Variants in CD72 observed in about 807,000 individuals in gnomAD.
CD72 encodes the protein B-cell differentiation antigen CD72.
In CD72, 28 loss-of-function variants were observed where a neutral mutation model predicts 50.7. The observed-to-expected ratio is 0.55, with a 90% CI of 0.41 to 0.76. The LOEUF (loss-of-function observed/expected upper bound fraction) is 0.76, where lower values mean the gene tolerates loss of function less well. Ranked by LOEUF, CD72 falls within the 30% of genes least tolerant of loss-of-function variation. The pLI, the probability that CD72 is intolerant of heterozygous loss-of-function variation, is 0.00. For synonymous variants in CD72, 176 were observed against 171.2 expected (o/e 1.03, Z -0.22); for missense variants, 403 against 420.6 (o/e 0.96, Z 0.37).
chr9:35,623,630 A>G (rs1257791558), upstream of CD72, among the ~76,000 whole-genome samples: 1 of 152,188 alleles, frequency 6.6e-6, no homozygotes, highest in Non-Finnish European at 1.5e-5. Flanking sequence ...AAAATTAGCA[A>G]GCGAGGCCTG....
rs147607530 is a variant in CD72 at position 35,616,248 on chromosome 9, G to A, written c.383C>T (p.Thr128Met). Residue 128 changes from threonine (T) to methionine (M), a missense_variant, in exon 5 of 9, where the codon ACG becomes ATG. Physicochemically the swap from Thr to Met is moderately conservative, Grantham distance 81. Transcript: ENST00000259633. Reference sequence around the variant, plus strand: ...GTTAGTGACTTCCAGAACCCTGTTCGTCTGCTGGAGCTGCTGAGACACCTG... The same window carrying A: ...GTTAGTGACTTCCAGAACCCTGTTCATCTGCTGGAGCTGCTGAGACACCTG... ...YLQVSQQLQQ[T>M]NRVLEVTNSS... The A allele has an allele frequency of 1.1e-5, 18 of 1,613,942 alleles. No homozygotes were observed. The highest frequency in any genetic ancestry group is 4.5e-5 in the East Asian group (2 of 44,864).
At chr9:35,626,508 A>C (rs1190416855) in intron 1 of CD72, among the ~76,000 whole-genome samples, 1 of 152,252 alleles carries the variant, frequency 6.6e-6, no homozygotes, top group Non-Finnish European at 1.5e-5. Context: ...AGGGTTTGCG[A>C]GGATTGACTC....
chr9:35,632,246 C>T (rs920252423), intron 1 of CD72, among the ~76,000 whole-genome samples: 3 of 151,042 alleles, frequency 2.0e-5, no homozygotes, highest in African/African-American at 4.9e-5. Context: ...GGCGCGATCT[C>T]GGCTCACTGC....
intron 1 of CD72, among the ~76,000 whole-genome samples, chr9:35,632,181 T>TC (rs1191364526): frequency 1.3e-5 from 2 of 149,648 alleles, no homozygotes; most frequent in East Asian, 1.9e-4. Flanking sequence ...AATTTTCTCC[T>TC]CTTTTTTTTT....
intron 1 of CD72, among the ~76,000 whole-genome samples, chr9:35,637,347 G>C (rs552616039): frequency 6.6e-6 from 1 of 152,302 alleles, no homozygotes; most frequent in Admixed American, 6.5e-5. Flanking sequence ...ATGGCATTTG[G>C]TGCTGAAGAC....
At chr9:35,613,527 A>G (rs1823019845) in intron 5 of CD72, among the ~76,000 whole-genome samples, 7 of 151,964 alleles carry the variant, frequency 4.6e-5, no homozygotes, top group Admixed American at 4.6e-4. Flanking sequence ...TCAACATCCT[A>G]CATCCCAATG....
intron 7 of CD72, 135 bp from the exon 8 acceptor site, chr9:35,610,888 C>T (rs1408255201): frequency 1.6e-6 from 1 of 612,792 alleles, no homozygotes; most frequent in African/African-American, 1.9e-5. Flanking sequence ...TGGTTCAGGA[C>T]AGATGTCTGG....
chr9:35,618,072 C>G lies in CD72; in HGVS notation c.132G>C (p.Val44=), dbSNP rs1439930140. The change falls in exon 2 of 9, where the codon GTG becomes GTC. Residue 44 remains valine (V), a synonymous_variant. Coordinates refer to ENST00000259633, the MANE Select transcript of CD72 (RefSeq NM_001782.3). The part of the protein sequence containing the change: ...DGEITYENVQ[V]PAVLGVPSSL... ...TTGAGGGCACCCCTAGGACTGCGGG[C>G]ACTTGAACATTCTCGTAGGTGATTT... 6.2e-7 allele frequency: 1 copy of G among 1,614,116 alleles called. No homozygotes were observed. Among genetic ancestry groups the G allele is most frequent in the South Asian group, 1.1e-5 (1 of 91,074 alleles).
intron 1 of CD72, among the ~76,000 whole-genome samples, chr9:35,637,495 C>T (rs1587909122): frequency 6.6e-6 from 1 of 152,144 alleles, no homozygotes; most frequent in Non-Finnish European, 1.5e-5. Flanking sequence ...GGTAAGCGGT[C>T]TTTTCACTCT....
intron 5 of CD72, among the ~76,000 whole-genome samples, chr9:35,615,731 G>A (rs1232644496): frequency 1.3e-5 from 2 of 148,966 alleles, no homozygotes; most frequent in African/African-American, 2.5e-5. Flanking sequence ...CCTACAGGAT[G>A]AGCCTTGGAG....
intron 1 of CD72, among the ~76,000 whole-genome samples, chr9:35,636,316 CT>C (rs35162913): frequency 9.9e-5 from 15 of 151,184 alleles, no homozygotes; most frequent in African/African-American, 2.4e-4. Flanking sequence ...TTCTATTTGA[CT>C]TTTTTTTTAA....
chr9:35,620,598 A>C (rs1182695550), upstream of CD72, among the ~76,000 whole-genome samples: 2 of 152,174 alleles, frequency 1.3e-5, no homozygotes, highest in African/African-American at 4.8e-5. Context: ...TGGGAGGCTG[A>C]GGTGGGCGGA....
intron 5 of CD72, 45 bp downstream of exon 5, chr9:35,615,898 G>A (rs1176440143): frequency 6.7e-7 from 1 of 1,485,678 alleles, no homozygotes. Context: ...CTATCTCCTT[G>A]CTCCAATCCA....
At chr9:35,615,278 A>G (rs1465875826) in intron 5 of CD72, among the ~76,000 whole-genome samples, 1 of 152,160 alleles carries the variant, frequency 6.6e-6, no homozygotes, top group Non-Finnish European at 1.5e-5. Flanking sequence ...AAACCTGATC[A>G]TAGCCCAAAA....
chr9:35,632,655 C>A (rs1217374505), intron 1 of CD72, among the ~76,000 whole-genome samples: 1 of 151,350 alleles, frequency 6.6e-6, no homozygotes, highest in Admixed American at 6.6e-5. Flanking sequence ...CGGCTCACTG[C>A]AACCTCTACC....
At chr9:35,639,827 G>T (rs933552055) in intron 1 of CD72, among the ~76,000 whole-genome samples, 1 of 152,106 alleles carries the variant, frequency 6.6e-6, no homozygotes, top group African/African-American at 2.4e-5. Context: ...GAAACTAAGA[G>T]TAAAAACCAA....
chr9:35,636,062 A>C (rs1386509887), intron 1 of CD72, among the ~76,000 whole-genome samples: 1 of 152,076 alleles, frequency 6.6e-6, no homozygotes, highest in South Asian at 2.1e-4. Flanking sequence ...TTTTACTTTT[A>C]TTTTTTCCCC....
chr9:35,635,750 T>C (rs986546677), intron 1 of CD72, among the ~76,000 whole-genome samples: 10 of 152,226 alleles, frequency 6.6e-5, no homozygotes, highest in Admixed American at 6.5e-4. Context: ...ACTTGCTTTC[T>C]TCCTGAAAGT....
At chr9:35,639,783 A>G (rs542958405) in intron 1 of CD72, among the ~76,000 whole-genome samples, 52 of 152,292 alleles carry the variant, frequency 3.4e-4, no homozygotes, top group Non-Finnish European at 6.3e-4. Flanking sequence ...TTGCAACAAT[A>G]TGGCAGGTTG....
Sources: gnomAD v4.1 joint callset for allele counts (sites outside exome capture counted in the v4.1 genomes callset) on GRCh38, gnomAD v4.1.1 for gene constraint, MANE v1.5 for transcripts, NCBI Gene and HGNC (gene_info 2026-07-23, HGNC 2026-07-21) for gene names.